The following MAPKAP1 variants were observed in gnomAD, a reference collection of about 807,000 sequenced individuals.
The protein encoded by MAPKAP1 is target of rapamycin complex 2 subunit MAPKAP1.
Under a neutral mutation model 65.7 loss-of-function variants are expected in MAPKAP1, and 20 were observed. That is an observed-to-expected ratio of 0.30 (90% CI 0.21 to 0.44). The LOEUF (loss-of-function observed/expected upper bound fraction) is 0.44. Among genes scored for constraint, MAPKAP1 ranks in the 20% least tolerant of loss-of-function variants. MAPKAP1 has a pLI of 1.00. For missense variants in MAPKAP1, 423 were observed against 648.0 expected, an observed-to-expected ratio of 0.65 and a Z score of 3.77; for synonymous variants, 222 against 244.3, an observed-to-expected ratio of 0.91 and a Z score of 0.85.
intron 1 of MAPKAP1, among the ~76,000 whole-genome samples, chr9:125,702,450 C>T (rs781279530): frequency 2.6e-5 from 4 of 152,050 alleles, no homozygotes; most frequent in Non-Finnish European, 5.9e-5. Context: ...AGGAGAATTG[C>T]TTGAACCCAG....
intron 1 of MAPKAP1, among the ~76,000 whole-genome samples, chr9:125,684,546 T>A (rs1029995701): frequency 1.2e-4 from 18 of 152,306 alleles, no homozygotes; most frequent in South Asian, 6.2e-4. Context: ...CTATAGAACT[T>A]TGCTACTAAA....
intron 4 of MAPKAP1, among the ~76,000 whole-genome samples, chr9:125,621,204 T>G (rs1243198643): frequency 6.6e-6 from 1 of 151,736 alleles, no homozygotes; most frequent in Non-Finnish European, 1.5e-5. Context: ...CCTGTGAGGT[T>G]GAGGCTGCAG....
chr9:125,671,316 A>T (rs766594630), intron 2 of MAPKAP1, among the ~76,000 whole-genome samples: 3 of 152,244 alleles, frequency 2.0e-5, no homozygotes, highest in Non-Finnish European at 2.9e-5. Context: ...ACAGATACTG[A>T]ATTCTGAACC....
chr9:125,677,760 A>G (rs991942811), intron 1 of MAPKAP1, among the ~76,000 whole-genome samples: 2 of 152,118 alleles, frequency 1.3e-5, no homozygotes, highest in African/African-American at 4.8e-5. Flanking sequence ...GATAAATAAT[A>G]TCACCTTGCC....
At chr9:125,450,330 A>C (rs944600279) in intron 10 of MAPKAP1, among the ~76,000 whole-genome samples, 1 of 152,174 alleles carries the variant, frequency 6.6e-6, no homozygotes, top group African/African-American at 2.4e-5. Context: ...GAGAACCTCC[A>C]CACCCCACCC....
intron 4 of MAPKAP1, among the ~76,000 whole-genome samples, chr9:125,642,961 G>A (rs1833621054): frequency 1.3e-5 from 2 of 151,850 alleles, no homozygotes; most frequent in South Asian, 4.2e-4. Flanking sequence ...GTGCAGCAGT[G>A]CAATCTCAGC....
Position 125,438,847 on chromosome 9 carries a change from G to C in MAPKAP1, c.*40C>G. 1 of 1,613,330 alleles carries C rather than the reference G, an allele frequency of 6.2e-7. No homozygotes were observed. Among genetic ancestry groups the C allele is most frequent in the Non-Finnish European group, 8.5e-7 (1 of 1,179,590 alleles). On this transcript the variant is annotated 3_prime_UTR_variant, in exon 12 of 12. Transcript: ENST00000265960. ...CTAGGGCACTTGGCCCTGGCAGGCA[G>C]GCTCTGAGCTACGGAACAGATTGAG...
chr9:125,623,867 C>T (rs868021185), intron 4 of MAPKAP1, among the ~76,000 whole-genome samples: 44 of 9,802 alleles, frequency 4.5e-3, no homozygotes, highest in Non-Finnish European at 0.013. Flanking sequence ...CGCCTCTGCC[C>T]GGCCGCCCCT....
At chr9:125,545,557 G>T (rs1213893732) in intron 6 of MAPKAP1, among the ~76,000 whole-genome samples, 1 of 152,180 alleles carries the variant, frequency 6.6e-6, no homozygotes, top group East Asian at 1.9e-4. Flanking sequence ...GGTTCTACAG[G>T]AACTACTGTA....
chr9:125,466,313 G>C (rs1225697567), intron 10 of MAPKAP1, among the ~76,000 whole-genome samples: 1 of 152,130 alleles, frequency 6.6e-6, no homozygotes, highest in African/African-American at 2.4e-5. Flanking sequence ...AGATGCTAGA[G>C]TTCTGAGGAA....
intron 1 of MAPKAP1, among the ~76,000 whole-genome samples, chr9:125,682,182 G>A (rs554894908): frequency 6.6e-6 from 1 of 152,250 alleles, no homozygotes; most frequent in Admixed American, 6.5e-5. Context: ...GCACATCCTA[G>A]GACTCTCTTA....
At chr9:125,451,836 G>A (rs1449289218) in intron 10 of MAPKAP1, among the ~76,000 whole-genome samples, 1 of 137,258 alleles carries the variant, frequency 7.3e-6, no homozygotes. Context: ...TTGAGGCAGA[G>A]TCTCGCTCTA....
At chr9:125,468,188 G>A (rs558023028) in intron 9 of MAPKAP1, 79 bp from the exon 10 acceptor site, 137 of 1,475,422 alleles carry the variant, frequency 9.3e-5, no homozygotes, top group Admixed American at 7.6e-5. Context: ...CATTTGACCT[G>A]TTTTATAAAT....
chr9:125,458,361 C>A (rs1024185111), intron 10 of MAPKAP1, among the ~76,000 whole-genome samples: 1 of 151,952 alleles, frequency 6.6e-6, no homozygotes, highest in Non-Finnish European at 1.5e-5. Context: ...GAGGACCCTG[C>A]GGCCCTCTGC....
chr9:125,563,198 C>T (rs1012730196), intron 5 of MAPKAP1, among the ~76,000 whole-genome samples: 1 of 152,128 alleles, frequency 6.6e-6, no homozygotes, highest in Non-Finnish European at 1.5e-5. Context: ...AACTGGTGGA[C>T]TTTGAAATGG....
chr9:125,525,155 G>T (rs1031081742), intron 7 of MAPKAP1, among the ~76,000 whole-genome samples: 1 of 152,154 alleles, frequency 6.6e-6, no homozygotes, highest in South Asian at 2.1e-4. Flanking sequence ...ACAAAATTGT[G>T]AGTCTGACTA....
rs149576309 is a variant in MAPKAP1, at chr9:125,703,948, A to G, written c.-70+3023T>C. On this transcript the variant is annotated intron_variant, in intron 1 of 11. Transcript: ENST00000265960. ...GCAAAAGTTTCTGAAGTCTTCAGGT[A>G]TAAGTCAATAAGCAAAACAAGCTCC... Among the ~76,000 whole-genome samples, 710 of 152,282 alleles carry G rather than the reference A, an allele frequency of 4.7e-3. 3 individuals are homozygous for G. Among genetic ancestry groups the G allele is most frequent in the African/African-American group, 9.8e-3 (407 of 41,554 alleles).
At chr9:125,446,205 C>A (rs1039908520) in intron 10 of MAPKAP1, among the ~76,000 whole-genome samples, 1 of 152,106 alleles carries the variant, frequency 6.6e-6, no homozygotes, top group Non-Finnish European at 1.5e-5. Context: ...ATATGTTGTA[C>A]ATTTGTGGCC....
chr9:125,553,171 C>T lies in MAPKAP1; in HGVS notation c.848+6462G>A, dbSNP rs1292174086. ...CCCCATTTTCCACCCACCTGGGGAG[C>T]CCTGAGCCACTGCCTAGAGGAGAAA... On this transcript the variant is annotated intron_variant, in intron 6 of 11. Transcript: ENST00000265960. 2.0e-5 allele frequency among the ~76,000 whole-genome samples: 3 copies of T among 152,120 alleles called. No individual in the cohort carries two copies. In the East Asian group the frequency reaches 5.8e-4, roughly 29 times the overall value.
Sources: allele counts gnomAD v4.1 joint callset (sites outside exome capture counted in the v4.1 genomes callset), GRCh38; gene constraint gnomAD v4.1.1; transcripts MANE v1.5; gene names NCBI Gene and HGNC (gene_info 2026-07-23, HGNC 2026-07-21).